MYRIP: variants seen among roughly 807,000 people sequenced by gnomAD.
MYRIP encodes the protein myosin VIIA and Rab interacting protein.
MYRIP carries 49 observed loss-of-function variants against 98.0 expected under a neutral mutation model. The observed-to-expected ratio is 0.50, with a 90% CI of 0.40 to 0.63. The LOEUF (loss-of-function observed/expected upper bound fraction) is 0.63, where lower values mean the gene tolerates loss of function less well. Among genes scored for constraint, MYRIP ranks in the 30% least tolerant of loss-of-function variants. MYRIP has a pLI of 0.00. For missense variants in MYRIP, 1,004 were observed against 1,058.2 expected (o/e 0.95, Z 0.71); for synonymous variants, 404 against 409.5 (o/e 0.99, Z 0.16).
intron 2 of MYRIP, among the ~76,000 whole-genome samples, chr3:39,994,269 C>G (rs1946274735): frequency 6.6e-6 from 1 of 152,232 alleles, no homozygotes; most frequent in Non-Finnish European, 1.5e-5. Flanking sequence ...TGCAAGGGGT[C>G]AGGGAATTCA....
chr3:40,033,030 T>C (rs1947295935), intron 2 of MYRIP, among the ~76,000 whole-genome samples: 1 of 151,574 alleles, frequency 6.6e-6, no homozygotes, highest in Non-Finnish European at 1.5e-5. Flanking sequence ...CTCTTCATGC[T>C]GAAAACTCTC....
At chr3:40,171,962 G>T (rs1423081243) in intron 8 of MYRIP, among the ~76,000 whole-genome samples, 1 of 152,226 alleles carries the variant, frequency 6.6e-6, no homozygotes, top group Non-Finnish European at 1.5e-5. Flanking sequence ...GTAGTGGCAG[G>T]CAAGAGAGCG....
intron 8 of MYRIP, among the ~76,000 whole-genome samples, chr3:40,170,428 G>A (rs755570664): frequency 6.6e-6 from 1 of 152,156 alleles, no homozygotes; most frequent in Non-Finnish European, 1.5e-5. Context: ...AGGACCATGT[G>A]TACTCTTATA....
intron 2 of MYRIP, among the ~76,000 whole-genome samples, chr3:39,920,696 C>T (rs571375268): frequency 5.3e-5 from 8 of 152,302 alleles, no homozygotes; most frequent in African/African-American, 1.9e-4. Context: ...GCTTTGATAG[C>T]TTAAATACAC....
rs369667368 is a variant in MYRIP at position 40,167,101 on chromosome 3, G to A, written c.649-58G>A. ...GTGGTCAGGACTCTCCTGGCAAAGT[G>A]ACTGCCAAGTCACCCCAAATCCACC... On this transcript the variant is annotated intron_variant, in intron 6 of 16. Coordinates refer to ENST00000302541, the MANE Select transcript of MYRIP (RefSeq NM_015460.4). 3,581 of 1,557,144 alleles carry A rather than the reference G, an allele frequency of 2.3e-3. 3 individuals are homozygous for A. The highest frequency in any genetic ancestry group is 2.8e-3 in the Non-Finnish European group (3,124 of 1,128,936).
At chr3:39,919,694 G>GT (rs1944258831) in intron 2 of MYRIP, among the ~76,000 whole-genome samples, 5 of 59,048 alleles carry the variant, frequency 8.5e-5, no homozygotes, top group African/African-American at 4.3e-4. Flanking sequence ...GGTATGTGTG[G>GT]TGTGTGTGTG....
chr3:39,885,462 A>G (rs967420194), intron 1 of MYRIP, among the ~76,000 whole-genome samples: 6 of 152,034 alleles, frequency 3.9e-5, no homozygotes, highest in Middle Eastern at 3.4e-3. Context: ...GGTGAATCTG[A>G]CAATTATGTG....
At chr3:40,100,636 C>A (rs1422113320) in intron 3 of MYRIP, among the ~76,000 whole-genome samples, 4 of 152,194 alleles carry the variant, frequency 2.6e-5, no homozygotes, top group Non-Finnish European at 5.9e-5. Context: ...TGTGCTATCT[C>A]TGAGGCTGGG....
intron 12 of MYRIP, among the ~76,000 whole-genome samples, chr3:40,234,313 G>A (rs1436649736): frequency 6.6e-6 from 1 of 152,210 alleles, no homozygotes; most frequent in African/African-American, 2.4e-5. Context: ...AAGGGAAAGG[G>A]AAGAATCCAA....
chr3:40,034,459 G>A (rs1371259273), intron 2 of MYRIP, among the ~76,000 whole-genome samples: 1 of 151,850 alleles, frequency 6.6e-6, no homozygotes, highest in African/African-American at 2.4e-5. Flanking sequence ...GCAGCCAAAA[G>A]ACACATGAAA....
At chr3:40,035,213 T>G (rs62261778) in intron 2 of MYRIP, among the ~76,000 whole-genome samples, 42,248 of 151,228 alleles carry the variant, frequency 0.28, 6,602 homozygotes, top group Non-Finnish European at 0.36. Context: ...CCCTAAAACT[T>G]AAAGTATAAT....
rs759392495 is a variant in MYRIP at position 40,258,213 on chromosome 3, C to T, written c.*47C>T. ...GTGACCCACTGCCTCCGGCCGTACA[C>T]GACAGTGCCTTGACCCAACAGCCAT... On this transcript the variant is annotated 3_prime_UTR_variant, in exon 17 of 17. Transcript: ENST00000302541. 6.2e-6 allele frequency: 10 copies of T among 1,611,292 alleles called. No individual in the cohort carries two copies. Among genetic ancestry groups the T allele is most frequent in the Middle Eastern group, 1.7e-4 (1 of 6,042 alleles).
chr3:40,133,469 A>C (rs1420787033), intron 3 of MYRIP, among the ~76,000 whole-genome samples: 2 of 152,208 alleles, frequency 1.3e-5, no homozygotes, highest in Non-Finnish European at 2.9e-5. Context: ...CTAAATAATT[A>C]ATTAAAATAG....
chr3:40,062,558 AC>A (rs750855230), intron 3 of MYRIP, among the ~76,000 whole-genome samples: 2 of 152,308 alleles, frequency 1.3e-5, no homozygotes, highest in East Asian at 3.9e-4. Flanking sequence ...GTGTAGGAGG[AC>A]CCATACAAAA....
chr3:39,971,602 G>T (rs1270410418), intron 2 of MYRIP, among the ~76,000 whole-genome samples: 1 of 151,932 alleles, frequency 6.6e-6, no homozygotes, highest in African/African-American at 2.4e-5. Context: ...AAGGTCCTGG[G>T]AACACTAGCA....
Position 40,191,227 on chromosome 3 carries a change from CACAA to C in MYRIP, c.1665+768_1665+771del, listed in dbSNP as rs1288182089. 3.9e-5 allele frequency among the ~76,000 whole-genome samples: 6 copies of C among 152,298 alleles called. No individual in the cohort carries two copies. The East Asian group carries it at 7.7e-4, about 20-fold the overall frequency. ...ACTCACACATGCACACTCACACATG[CACAA>C]ACATACTCACAATTTTGCTTTTGCT... On this transcript the variant is annotated intron_variant, in intron 10 of 16. Coordinates refer to ENST00000302541, the MANE Select transcript of MYRIP (RefSeq NM_015460.4).
intron 1 of MYRIP, among the ~76,000 whole-genome samples, chr3:39,873,029 C>T (rs369481430): frequency 7.2e-5 from 11 of 152,204 alleles, no homozygotes; most frequent in South Asian, 2.1e-4. Flanking sequence ...TGATTGCCAT[C>T]CTAACTGGTG....
intron 3 of MYRIP, among the ~76,000 whole-genome samples, chr3:40,126,668 G>GA (rs1282087130): frequency 6.6e-6 from 1 of 152,184 alleles, no homozygotes; most frequent in Non-Finnish European, 1.5e-5. Flanking sequence ...ATTTGAAGGA[G>GA]AAAAAAATAT....
chr3:39,981,864 G>A (rs1273613874), intron 2 of MYRIP, among the ~76,000 whole-genome samples: 1 of 152,050 alleles, frequency 6.6e-6, no homozygotes, highest in African/African-American at 2.4e-5. Flanking sequence ...GAGGCCTCAG[G>A]CACATAGGAG....
Sources: allele counts gnomAD v4.1 joint callset (sites outside exome capture counted in the v4.1 genomes callset), GRCh38; gene constraint gnomAD v4.1.1; transcripts MANE v1.5; gene names NCBI Gene and HGNC (gene_info 2026-07-23, HGNC 2026-07-21).